The following TTLL5 variants were observed in gnomAD, a reference collection of about 807,000 sequenced individuals.
The protein encoded by TTLL5 is tubulin tyrosine ligase like 5.
Under a neutral mutation model 168.4 loss-of-function variants are expected in TTLL5, and 132 were observed. The observed-to-expected ratio is 0.78, with a 90% CI of 0.68 to 0.91. The LOEUF is 0.91. Among genes scored for constraint, TTLL5 ranks in the 40% least tolerant of loss-of-function variants. The pLI is 0.00. For synonymous variants in TTLL5, 546 were observed against 558.6 expected, an observed-to-expected ratio of 0.98 and a Z score of 0.32; for missense variants, 1,545 against 1,581.5, an observed-to-expected ratio of 0.98 and a Z score of 0.39.
chr14:75,920,133 A>G (rs1012596112), intron 31 of TTLL5, among the ~76,000 whole-genome samples: 14 of 152,162 alleles, frequency 9.2e-5, no homozygotes, highest in African/African-American at 3.4e-4. Context: ...AGCAACAACA[A>G]CAACAACAAC....
At chr14:75,725,332 A>G (rs755497562) in intron 12 of TTLL5, among the ~76,000 whole-genome samples, 5 of 152,210 alleles carry the variant, frequency 3.3e-5, no homozygotes, top group Non-Finnish European at 7.4e-5. Flanking sequence ...TCACTTTTTG[A>G]GATAATCTCC....
intron 3 of TTLL5, 44 bp from the exon 4 acceptor site, chr14:75,681,501 C>T: frequency 1.3e-6 from 2 of 1,533,976 alleles, no homozygotes; most frequent in Non-Finnish European, 9.0e-7. Flanking sequence ...TTTGTTTTTA[C>T]AGTTAACTTT....
intron 21 of TTLL5, among the ~76,000 whole-genome samples, chr14:75,774,685 ATTTTCTTTTT>A (rs1413976738): frequency 6.6e-6 from 1 of 150,706 alleles, no homozygotes; most frequent in East Asian, 1.9e-4. Context: ...TTTTCTCTTA[ATTTTCTTTTT>A]TTTTCTTTTT....
chr14:75,776,606 G>A (rs1189479681), intron 22 of TTLL5, 141 bp from the exon 23 acceptor site: 1 of 492,898 alleles, frequency 2.0e-6, no homozygotes, highest in Non-Finnish European at 3.5e-6. Context: ...TTTATAGGTG[G>A]CAAAAGTACA....
intron 1 of TTLL5, 87 bp from the exon 2 acceptor site, chr14:75,662,968 A>T: frequency 1.4e-6 from 1 of 690,818 alleles, no homozygotes; most frequent in Non-Finnish European, 2.7e-6. Flanking sequence ...AGTCATTTTC[A>T]TTACTTAGAT....
intron 27 of TTLL5, among the ~76,000 whole-genome samples, chr14:75,809,218 A>G (rs1595076506): frequency 6.6e-6 from 1 of 152,184 alleles, no homozygotes; most frequent in African/African-American, 2.4e-5. Context: ...AAAGGGTTCA[A>G]ATACCTTCAC....
At chr14:75,697,936 G>C (rs1885985419) in intron 6 of TTLL5, among the ~76,000 whole-genome samples, 3 of 152,180 alleles carry the variant, frequency 2.0e-5, no homozygotes, top group African/African-American at 7.2e-5. Flanking sequence ...AGAAACATTT[G>C]CATTTGCTTG....
chr14:75,929,447 CTTTT>C (rs370380415), intron 31 of TTLL5, among the ~76,000 whole-genome samples: 1 of 120,868 alleles, frequency 8.3e-6, no homozygotes, highest in Non-Finnish European at 1.6e-5. Context: ...ATAAAGATAC[CTTTT>C]TTTTTTTTTT....
intron 31 of TTLL5, among the ~76,000 whole-genome samples, chr14:75,912,678 A>G (rs911397045): frequency 6.6e-6 from 1 of 152,254 alleles, no homozygotes; most frequent in Admixed American, 6.5e-5. Context: ...TACTCCAGGG[A>G]AAGTCAAGAT....
chr14:75,772,463 T>C (rs1269644915), intron 21 of TTLL5, among the ~76,000 whole-genome samples: 2 of 152,206 alleles, frequency 1.3e-5, no homozygotes, highest in Non-Finnish European at 2.9e-5. Context: ...GTTGGTATTT[T>C]TTACTTTACT....
chr14:75,677,218 GTGCTTA>G (rs1884232789), intron 3 of TTLL5, among the ~76,000 whole-genome samples: 1 of 151,768 alleles, frequency 6.6e-6, no homozygotes, highest in Non-Finnish European at 1.5e-5. Context: ...AACTGATTTA[GTGCTTA>G]CAGCTACTCT....
intron 31 of TTLL5, among the ~76,000 whole-genome samples, chr14:75,931,045 T>G (rs2034260612): frequency 6.6e-6 from 1 of 152,204 alleles, no homozygotes; most frequent in Admixed American, 6.5e-5. Context: ...TCCCGTAGTT[T>G]CAGCTGACCT....
chr14:75,915,337 C>T (rs1475212583), intron 31 of TTLL5, among the ~76,000 whole-genome samples: 2 of 152,180 alleles, frequency 1.3e-5, no homozygotes, highest in Admixed American at 6.5e-5. Context: ...TTTAAATGTG[C>T]ACAGTATTCC....
intron 17 of TTLL5, among the ~76,000 whole-genome samples, chr14:75,750,373 CTG>C (rs754496493): frequency 4.6e-5 from 7 of 151,740 alleles, no homozygotes; most frequent in Non-Finnish European, 1.0e-4. Flanking sequence ...ATGCCTGAAA[CTG>C]TGGACAGTAC....
chr14:75,744,762 A>T (rs1228624193), intron 15 of TTLL5: 1 of 166,160 alleles, frequency 6.0e-6, no homozygotes, highest in African/African-American at 2.4e-5. Context: ...AGATTTTTCC[A>T]TATCCTTGAA....
At chr14:75,731,821 C>G (rs1212674604) in intron 12 of TTLL5, among the ~76,000 whole-genome samples, 3 of 152,054 alleles carry the variant, frequency 2.0e-5, no homozygotes, top group African/African-American at 4.8e-5. Context: ...TCTTCTTGAC[C>G]TAAGTTGCAA....
chr14:75,838,870 T>A (rs574148986), intron 28 of TTLL5: 1 of 152,702 alleles, frequency 6.5e-6, no homozygotes, highest in African/African-American at 2.4e-5. Context: ...GATGCTACTG[T>A]CCGCCTCCTT....
intron 27 of TTLL5, among the ~76,000 whole-genome samples, chr14:75,798,757 T>G (rs576724766): frequency 6.6e-6 from 1 of 152,182 alleles, no homozygotes. Flanking sequence ...TTAATTTCCA[T>G]GTACTTGCAT....
intron 17 of TTLL5, among the ~76,000 whole-genome samples, chr14:75,749,312 T>C (rs554586203): frequency 6.6e-6 from 1 of 152,318 alleles, no homozygotes; most frequent in East Asian, 1.9e-4. Context: ...TCTTGAGGTC[T>C]CTTAAGGAAG....
Sources: allele counts gnomAD v4.1 joint callset (sites outside exome capture counted in the v4.1 genomes callset), GRCh38; gene constraint gnomAD v4.1.1; transcripts MANE v1.5; gene names NCBI Gene and HGNC (gene_info 2026-07-23, HGNC 2026-07-21).